BEGAIN: variants seen among roughly 807,000 people sequenced by gnomAD.
BEGAIN encodes brain-enriched guanylate kinase-associated protein.
BEGAIN carries 19 observed loss-of-function variants against 35.8 expected under a neutral mutation model. That is an observed-to-expected ratio of 0.53 (90% CI 0.37 to 0.78). BEGAIN has a LOEUF of 0.78. BEGAIN is among the 30% of genes least tolerant of loss of function. BEGAIN has a pLI of 0.00. For synonymous variants in BEGAIN, 462 were observed against 388.6 expected (o/e 1.19, Z -2.22); for missense variants, 795 against 853.6 (o/e 0.93, Z 0.85).
intron 2 of BEGAIN, among the ~76,000 whole-genome samples, chr14:100,555,189 G>T (rs986577292): frequency 6.6e-6 from 1 of 152,248 alleles, no homozygotes; most frequent in Non-Finnish European, 1.5e-5. Flanking sequence ...TCTGCCCCCC[G>T]CCAGGGCCGT....
chr14:100,583,569 C>T (rs11160594), intron 1 of BEGAIN, among the ~76,000 whole-genome samples: 40,624 of 152,008 alleles, frequency 0.27, 5,887 homozygotes, highest in African/African-American at 0.37. Context: ...TGTCCACCCA[C>T]CCATCCCTAT....
intron 6 of BEGAIN, among the ~76,000 whole-genome samples, chr14:100,539,685 G>A (rs2031272597): frequency 7.1e-6 from 1 of 140,902 alleles, no homozygotes; most frequent in Non-Finnish European, 1.6e-5. Context: ...TTTGTGCCCA[G>A]CGAGGGGTTG....
chr14:100,543,805 C>T, intron 5 of BEGAIN, 53 bp downstream of exon 5: 1 of 1,449,084 alleles, frequency 6.9e-7, no homozygotes, highest in Non-Finnish European at 9.6e-7. Flanking sequence ...CTGGGAAGCC[C>T]TCGCCTAGGC....
Position 100,537,720 on chromosome 14 carries a change from T to G in BEGAIN, c.*249A>C. The stretch of plus-strand genomic sequence containing the variant: ...TAAAAGGGGGGATGCTCCTCTCACA[T>G]GGGGGAAGGACGCGTGAAAAACGCT... On this transcript the variant is annotated 3_prime_UTR_variant, in exon 7 of 7. Transcript: ENST00000554140. The G allele has an allele frequency of 1.1e-4, 49 of 451,846 alleles. No individual in the cohort carries two copies. The highest frequency in any genetic ancestry group is 1.9e-4 in the East Asian group (5 of 26,540). 28.0% of individuals were successfully genotyped at this position (451,846 alleles called of 1,614,324 possible).
Position 100,581,751 on chromosome 14 carries a change from C to T in BEGAIN, c.42+5498G>A, listed in dbSNP as rs555564499. 2.0e-5 allele frequency among the ~76,000 whole-genome samples: 3 copies of T among 152,368 alleles called. No individual in the cohort carries two copies. The East Asian group carries it at 5.8e-4, about 29-fold the overall frequency. On this transcript the variant is annotated intron_variant, in intron 1 of 6. Transcript: ENST00000554140. ...GTTTCCTCTCCAGATGCCCAAGCCC[C>T]TCTCCTGCTGCCTGGCACACACTGC...
At position 100,558,663 on chromosome 14, in the gene BEGAIN, C is replaced by A. The variant is rs541823231; in HGVS notation, c.71+9248G>T. On this transcript the variant is annotated intron_variant, in intron 2 of 6. Coordinates refer to ENST00000554140, the MANE Select transcript of BEGAIN (RefSeq NM_001385089.1). The surrounding 1 kb of genome is among the most constrained non-coding windows in gnomAD (Gnocchi z 4.6). ...CACAGCCTACCCCCACACCCTGCAG[C>A]AAGACAAGTCCTCTCCTGTGCCTCG... 1.3e-5 allele frequency among the ~76,000 whole-genome samples: 2 copies of A among 152,326 alleles called. No homozygotes were observed. The highest frequency in any genetic ancestry group is 4.8e-5 in the African/African-American group (2 of 41,568).
chr14:100,562,098 G>C (rs979512519), intron 2 of BEGAIN, among the ~76,000 whole-genome samples: 1 of 152,174 alleles, frequency 6.6e-6, no homozygotes, highest in Non-Finnish European at 1.5e-5. Context: ...AAGTGGGGTA[G>C]AGAGCCTTGA....
At chr14:100,579,260 T>A (rs920090399) in intron 1 of BEGAIN, among the ~76,000 whole-genome samples, 7 of 152,208 alleles carry the variant, frequency 4.6e-5, no homozygotes, top group African/African-American at 1.7e-4. Context: ...AATTCTCCAA[T>A]GATATACAGG....
In BEGAIN at chr14:100,586,322, C is replaced by G. The variant is rs888585145; in HGVS notation, c.42+927G>C. On this transcript the variant is annotated intron_variant, in intron 1 of 6. Transcript: ENST00000554140. The surrounding 1 kb of genome is among the most constrained non-coding windows in gnomAD (Gnocchi z 4.9). ...TGGAGACCCCGCCCCACCCATACCC[C>G]CAGGGCCTGGACCCCCAGTCTGCAC... Among the ~76,000 whole-genome samples, 7 of 152,190 alleles carry G rather than the reference C, an allele frequency of 4.6e-5. No individual in the cohort carries two copies. The highest frequency in any genetic ancestry group is 1.2e-4 in the African/African-American group (5 of 41,454).
intron 2 of BEGAIN, chr14:100,550,036 C>T (rs529843052): frequency 6.7e-4 from 112 of 167,560 alleles, no homozygotes; most frequent in Non-Finnish European, 1.1e-3. Flanking sequence ...TGGGGCTAAC[C>T]GGCAGTGTGT....
Position 100,539,211 on chromosome 14 carries a change from G to A in BEGAIN, c.597C>T (p.Thr199=). ...CHPAYADSVP[T]CVIAKVLEKP... is the part of the protein sequence containing the mutation. The stretch of plus-strand genomic sequence containing the variant: ...TCTCCAGCACCTTGGCAATGACGCA[G>A]GTGGGGACGCTGTCGGCGTAGGCCG... Residue 199 remains threonine (T), a synonymous_variant, in exon 7 of 7, where the codon ACC becomes ACT. Transcript: ENST00000554140. 9 of 1,585,654 alleles carry A rather than the reference G, an allele frequency of 5.7e-6. No homozygotes were observed. The highest frequency in any genetic ancestry group is 7.7e-6 in the Non-Finnish European group (9 of 1,165,094).
chr14:100,572,387 G>C (rs558895348), intron 1 of BEGAIN, among the ~76,000 whole-genome samples: 2 of 152,320 alleles, frequency 1.3e-5, no homozygotes, highest in East Asian at 3.9e-4. Context: ...TGCCAGGTGA[G>C]GAGTGCCATG....
rs77489952 is a variant in BEGAIN, at chr14:100,571,312, C to T, written c.43-3373G>A. 9.8e-3 allele frequency among the ~76,000 whole-genome samples: 1,490 copies of T among 152,322 alleles called. 29 individuals are homozygous for T. Among genetic ancestry groups the T allele is most frequent in the African/African-American group, 0.034 (1,418 of 41,564 alleles). The stretch of plus-strand genomic sequence containing the variant: ...CCTGTGGCCATCTGGGTCCTGATGA[C>T]GTGCCCATCCCTGCATGGGCTGAGG... On this transcript the variant is annotated intron_variant, in intron 1 of 6. Transcript: ENST00000554140.
At position 100,563,037 on chromosome 14, in the gene BEGAIN, G is replaced by A. The variant is rs1175483037; in HGVS notation, c.71+4874C>T. On this transcript the variant is annotated intron_variant, in intron 2 of 6. Coordinates refer to ENST00000554140, the MANE Select transcript of BEGAIN (RefSeq NM_001385089.1). This position sits in a 1 kb window ranked among gnomAD's most constrained non-coding sequence, Gnocchi z 4.2. ...TGGGAGAGGGTGCCCTTTGAGGGGG[G>A]GCGTGGAGGGGCAGGGCAGGACAGG... 6.6e-6 allele frequency among the ~76,000 whole-genome samples: 1 copy of A among 152,228 alleles called. No homozygotes were observed. The highest frequency in any genetic ancestry group is 2.4e-5 in the African/African-American group (1 of 41,452).
intron 1 of BEGAIN, among the ~76,000 whole-genome samples, chr14:100,582,689 G>A (rs1056799075): frequency 7.9e-5 from 12 of 152,230 alleles, no homozygotes; most frequent in African/African-American, 2.9e-4. Flanking sequence ...CCCTGGGCAA[G>A]GACGCCCCTG....
At chr14:100,571,128 T>C (rs1880960268) in intron 1 of BEGAIN, among the ~76,000 whole-genome samples, 1 of 152,116 alleles carries the variant, frequency 6.6e-6, no homozygotes, top group Non-Finnish European at 1.5e-5. Flanking sequence ...CCAGCCCCAT[T>C]CACACCCGCT....
chr14:100,561,416 C>G (rs1304870979), intron 2 of BEGAIN, among the ~76,000 whole-genome samples: 2 of 152,184 alleles, frequency 1.3e-5, no homozygotes, highest in Non-Finnish European at 2.9e-5. Flanking sequence ...ATTACTACCC[C>G]CATTTACAGA....
rs1048825221 is a variant in BEGAIN at position 100,586,778 on chromosome 14, G to A, written c.42+471C>T. Among the ~76,000 whole-genome samples, 2 of 152,198 alleles carry A rather than the reference G, an allele frequency of 1.3e-5. No homozygotes were observed. The highest frequency in any genetic ancestry group is 4.8e-5 in the African/African-American group (2 of 41,464). On this transcript the variant is annotated intron_variant, in intron 1 of 6. Transcript: ENST00000554140. This position sits in a 1 kb window ranked among gnomAD's most constrained non-coding sequence, Gnocchi z 4.9. ...CAAACGCTCAATGAGGCGGCCCCGG[G>A]TCCAGCCTCCTTCCGGCTCCCGGGC...
Position 100,567,793 on chromosome 14 carries a change from G to T in BEGAIN, c.71+118C>A. 2.8e-6 allele frequency: 3 copies of T among 1,090,610 alleles called. No homozygotes were observed. Among genetic ancestry groups the T allele is most frequent in the South Asian group, 1.9e-5 (1 of 52,030 alleles). The allele number at this position is 1,090,610 out of a possible 1,614,324, so 67.6% of individuals were successfully genotyped here. ...CGCACCTGGCCCGCAGCCCCGCCGA[G>T]GCCGCCCGCGGGCCCTGGGGGATGC... On this transcript the variant is annotated intron_variant, in intron 2 of 6. Coordinates refer to ENST00000554140, the MANE Select transcript of BEGAIN (RefSeq NM_001385089.1). This position sits in a 1 kb window ranked among gnomAD's most constrained non-coding sequence, Gnocchi z 5.1.
Sources: gnomAD v4.1 joint callset for allele counts (sites outside exome capture counted in the v4.1 genomes callset) on GRCh38, gnomAD v4.1.1 for gene constraint, Gnocchi (gnomAD v3.1) non-coding constraint, MANE v1.5 for transcripts, NCBI Gene and HGNC (gene_info 2026-07-23, HGNC 2026-07-21) for gene names.